ZNF385B: variants seen among roughly 807,000 people sequenced by gnomAD.
ZNF385B encodes the protein zinc finger protein 533.
A neutral mutation model predicts 39.2 loss-of-function variants in ZNF385B; 23 were observed. The ratio of observed to expected loss-of-function variants is 0.59; its 90% CI spans 0.42 to 0.83. The LOEUF is 0.83. ZNF385B is among the 40% of genes least tolerant of loss of function. The pLI is 0.00. For synonymous variants in ZNF385B, 205 were observed against 222.6 expected, an observed-to-expected ratio of 0.92 and a Z score of 0.70; for missense variants, 552 against 598.9, an observed-to-expected ratio of 0.92 and a Z score of 0.82.
intron 3 of ZNF385B, among the ~76,000 whole-genome samples, chr2:179,592,108 G>A (rs575659307): frequency 5.3e-5 from 8 of 152,032 alleles, no homozygotes; most frequent in Admixed American, 1.3e-4. Context: ...AAATAGCTAC[G>A]AATCCTCTAA....
chr2:179,487,753 C>T (rs1043393128), intron 5 of ZNF385B, among the ~76,000 whole-genome samples: 1 of 152,204 alleles, frequency 6.6e-6, no homozygotes, highest in Non-Finnish European at 1.5e-5. Context: ...TAAAGTGCTG[C>T]TGTGCCCCTA....
chr2:179,697,331 G>C (rs1698842889), intron 3 of ZNF385B, among the ~76,000 whole-genome samples: 1 of 152,144 alleles, frequency 6.6e-6, no homozygotes, highest in Admixed American at 6.5e-5. Flanking sequence ...CCCCACTGCT[G>C]TTCTCATGAT....
At chr2:179,640,088 TACAGAACA>T (rs1320658475) in intron 3 of ZNF385B, among the ~76,000 whole-genome samples, 2 of 152,198 alleles carry the variant, frequency 1.3e-5, no homozygotes, top group African/African-American at 4.8e-5. Flanking sequence ...GTAAATGTTA[TACAGAACA>T]ACAACAACAA....
At chr2:179,611,041 T>C (rs1215289624) in intron 3 of ZNF385B, among the ~76,000 whole-genome samples, 1 of 152,198 alleles carries the variant, frequency 6.6e-6, no homozygotes, top group East Asian at 1.9e-4. Context: ...TTTTATTCTC[T>C]TGTCTGATTG....
rs142310056 is a variant in ZNF385B at position 179,697,695 on chromosome 2, G to C, written c.298+71808C>G. 9.1e-4 allele frequency among the ~76,000 whole-genome samples: 139 copies of C among 152,292 alleles called. 1 individual carries two copies. Among genetic ancestry groups the C allele is most frequent in the African/African-American group, 3.2e-3 (133 of 41,568 alleles). Reference sequence around the variant, plus strand: ...TGTTTTAAGATGATCCTAATCAAAAGAAAGGATGTGCTCTTTTCCTTTTTT... The same window carrying C: ...TGTTTTAAGATGATCCTAATCAAAACAAAGGATGTGCTCTTTTCCTTTTTT... On this transcript the variant is annotated intron_variant, in intron 3 of 9. Coordinates refer to ENST00000410066, the MANE Select transcript of ZNF385B (RefSeq NM_152520.6).
intron 3 of ZNF385B, among the ~76,000 whole-genome samples, chr2:179,666,114 T>C (rs1157202935): frequency 6.6e-6 from 1 of 152,228 alleles, no homozygotes; most frequent in African/African-American, 2.4e-5. Flanking sequence ...ACATCTAATG[T>C]TGGGAGATGA....
At chr2:179,771,093 C>A (rs916095511) in intron 1 of ZNF385B, among the ~76,000 whole-genome samples, 10 of 151,970 alleles carry the variant, frequency 6.6e-5, no homozygotes, top group Admixed American at 5.2e-4. Flanking sequence ...GGTGGCAGTG[C>A]TGTGCCATAA....
At chr2:179,841,037 C>T (rs1340087116) in intron 1 of ZNF385B, among the ~76,000 whole-genome samples, 1 of 152,214 alleles carries the variant, frequency 6.6e-6, no homozygotes, top group East Asian at 1.9e-4. Context: ...TTGTAAAATG[C>T]TGACATGGAC....
intron 6 of ZNF385B, among the ~76,000 whole-genome samples, chr2:179,450,277 C>A (rs1186772925): frequency 6.6e-6 from 1 of 152,150 alleles, no homozygotes; most frequent in Non-Finnish European, 1.5e-5. Flanking sequence ...TCAAGAGCTT[C>A]TGCACAGCAA....
chr2:179,494,100 G>A (rs1346371597), intron 5 of ZNF385B, among the ~76,000 whole-genome samples: 3 of 151,998 alleles, frequency 2.0e-5, no homozygotes, highest in Non-Finnish European at 4.4e-5. Context: ...AGACTATGGT[G>A]TAACGTGCCA....
rs967925771 is a variant in ZNF385B at position 179,688,228 on chromosome 2, T to C, written c.298+81275A>G. Among the ~76,000 whole-genome samples, 3 of 152,120 alleles carry C rather than the reference T, an allele frequency of 2.0e-5. No homozygotes were observed. In the East Asian group the frequency reaches 5.8e-4, roughly 29 times the overall value. ...GGCTTGGGGACAATTAGAGAAAAGA[T>C]GCCTAAGGATTTAAGGGATGTACAC... On this transcript the variant is annotated intron_variant, in intron 3 of 9. Coordinates refer to ENST00000410066, the MANE Select transcript of ZNF385B (RefSeq NM_152520.6).
chr2:179,644,724 C>T (rs1351754345), intron 3 of ZNF385B, among the ~76,000 whole-genome samples: 1 of 152,144 alleles, frequency 6.6e-6, no homozygotes, highest in Non-Finnish European at 1.5e-5. Flanking sequence ...AAGAAAGTCT[C>T]AGCCCATCAC....
intron 1 of ZNF385B, among the ~76,000 whole-genome samples, chr2:179,816,797 A>G (rs528692548): frequency 1.2e-4 from 19 of 152,366 alleles, no homozygotes; most frequent in African/African-American, 4.6e-4. Context: ...TGTTCCTTTC[A>G]GAATATAATA....
intron 5 of ZNF385B, among the ~76,000 whole-genome samples, chr2:179,497,160 T>C (rs1183952505): frequency 6.6e-6 from 1 of 152,098 alleles, no homozygotes; most frequent in Non-Finnish European, 1.5e-5. Flanking sequence ...CTAAAGAGAG[T>C]ATGTCAGAAA....
intron 3 of ZNF385B, among the ~76,000 whole-genome samples, chr2:179,763,237 G>T (rs1472203582): frequency 2.0e-5 from 3 of 152,090 alleles, no homozygotes; most frequent in African/African-American, 7.2e-5. Context: ...TTGAATTTTA[G>T]TTATTTATGG....
At chr2:179,827,780 A>ATGTTTGCTTGT (rs1707760678) in intron 1 of ZNF385B, among the ~76,000 whole-genome samples, 1 of 152,154 alleles carries the variant, frequency 6.6e-6, no homozygotes, top group Non-Finnish European at 1.5e-5. Context: ...AGAACCTATG[A>ATGTTTGCTTGT]ATTGTCACGA....
intron 3 of ZNF385B, among the ~76,000 whole-genome samples, chr2:179,641,022 A>G (rs1229642954): frequency 6.6e-6 from 1 of 152,092 alleles, no homozygotes; most frequent in Non-Finnish European, 1.5e-5. Context: ...ATTTTCCTAA[A>G]TCCTCTTTGA....
At chr2:179,653,286 G>A (rs117927127) in intron 3 of ZNF385B, among the ~76,000 whole-genome samples, 13 of 152,126 alleles carry the variant, frequency 8.5e-5, no homozygotes, top group African/African-American at 1.2e-4. Context: ...ACTAGACCCC[G>A]TGCACTACTG....
chr2:179,837,161 AT>A (rs1490957671), intron 1 of ZNF385B, among the ~76,000 whole-genome samples: 1 of 152,210 alleles, frequency 6.6e-6, no homozygotes, highest in Non-Finnish European at 1.5e-5. Flanking sequence ...ACTCAGAATC[AT>A]TTGCTAACTA....
Sources: gnomAD v4.1 joint callset for allele counts (sites outside exome capture counted in the v4.1 genomes callset) on GRCh38, gnomAD v4.1.1 for gene constraint, MANE v1.5 for transcripts, NCBI Gene and HGNC (gene_info 2026-07-23, HGNC 2026-07-21) for gene names.